HDLBP: variants seen among roughly 807,000 people sequenced by gnomAD.
The protein encoded by HDLBP is vigilin.
HDLBP carries 30 observed loss-of-function variants against 137.3 expected under a neutral mutation model. The ratio of observed to expected loss-of-function variants is 0.22; its 90% CI spans 0.16 to 0.30. HDLBP has a LOEUF of 0.30. HDLBP is among the 10% of genes least tolerant of loss of function. The pLI is 1.00. For synonymous variants in HDLBP, 606 were observed against 596.0 expected (o/e 1.02, Z -0.24); for missense variants, 1,119 against 1,667.3 (o/e 0.67, Z 5.73).
At chr2:241,248,524 C>A (rs147162430) in intron 12 of HDLBP, among the ~76,000 whole-genome samples, 176 bp from the exon 13 acceptor site, 1 of 152,070 alleles carries the variant, frequency 6.6e-6, no homozygotes, top group African/African-American at 2.4e-5. Context: ...GTGTGCACAG[C>A]GCATAATGAG....
At chr2:241,306,089 A>G (rs1469213049) in intron 1 of HDLBP, among the ~76,000 whole-genome samples, 1 of 151,690 alleles carries the variant, frequency 6.6e-6, no homozygotes, top group Non-Finnish European at 1.5e-5. Flanking sequence ...GGATTTTTAT[A>G]TCATTCATGG....
At chr2:241,295,185 T>C (rs955245419) in intron 1 of HDLBP, among the ~76,000 whole-genome samples, 6 of 152,226 alleles carry the variant, frequency 3.9e-5, no homozygotes, top group African/African-American at 1.4e-4. Context: ...AAATTCAGCA[T>C]GTATTATTTA....
rs765392068 is a variant in HDLBP, at chr2:241,242,608, C to T, written c.2021G>A (p.Arg674His). ...LHNSLIGTKGRLIRSIMEECG... is the reference protein window; with the variant it reads ...LHNSLIGTKGHLIRSIMEECG... ...CTCCTCCATGATGGAGCGGATCAGACGGCCCTTGGTGCCAATGAGGGAGTT... is the reference window on the plus strand; with the variant it reads ...CTCCTCCATGATGGAGCGGATCAGATGGCCCTTGGTGCCAATGAGGGAGTT... Residue 674 changes from arginine to histidine, a missense_variant, in exon 17 of 28, where the codon CGT (arginine) becomes CAT (histidine). Transcript: ENST00000310931. 3.7e-6 allele frequency: 6 copies of T among 1,614,072 alleles called. No individual in the cohort carries two copies. The highest frequency in any genetic ancestry group is 2.2e-5 in the South Asian group (2 of 91,078).
chr2:241,251,487 G>A (rs116210015), intron 11 of HDLBP, among the ~76,000 whole-genome samples: 581 of 152,262 alleles, frequency 3.8e-3, no homozygotes, highest in Middle Eastern at 0.01. Context: ...ACGGATACAC[G>A]GACGTCAGTC....
Position 241,276,377 on chromosome 2 carries a change from T to C in HDLBP, c.-102-7836A>G, listed in dbSNP as rs547110457. Among the ~76,000 whole-genome samples the C allele has an allele frequency of 3.9e-5, 6 of 152,226 alleles. No homozygotes were observed. In the East Asian group the frequency reaches 1.2e-3, roughly 29 times the overall value. On this transcript the variant is annotated intron_variant, in intron 1 of 27. Transcript: ENST00000310931. ...CGATGTACATTATTACTGGTTACAT[T>C]ATACTGTATTAATAATTGTTAAAGA...
intron 5 of HDLBP, among the ~76,000 whole-genome samples, chr2:241,261,796 G>A (rs1419356227): frequency 6.6e-6 from 1 of 152,196 alleles, no homozygotes; most frequent in South Asian, 2.1e-4. Flanking sequence ...ACCTGCATTA[G>A]GTGGCACTCC....
chr2:241,254,051 G>A (rs1302699176), intron 9 of HDLBP, among the ~76,000 whole-genome samples: 1 of 152,146 alleles, frequency 6.6e-6, no homozygotes. Flanking sequence ...TTGGGAGGCT[G>A]AGGTAGGAGG....
chr2:241,232,340 A>G (rs2149329016), intron 24 of HDLBP, among the ~76,000 whole-genome samples: 1 of 150,642 alleles, frequency 6.6e-6, no homozygotes, highest in Non-Finnish European at 1.5e-5. Context: ...CAATGGCATG[A>G]TCTCAGCTCA....
chr2:241,257,342 C>T (rs1330241125), intron 5 of HDLBP, among the ~76,000 whole-genome samples: 3 of 152,194 alleles, frequency 2.0e-5, no homozygotes. Context: ...AAGGGATTCT[C>T]CTGCCTCAGC....
At chr2:241,311,264 A>G (rs1254425781) in intron 1 of HDLBP, among the ~76,000 whole-genome samples, 2 of 152,224 alleles carry the variant, frequency 1.3e-5, no homozygotes, top group African/African-American at 4.8e-5. Flanking sequence ...ACAACACTGG[A>G]AACTTAGAGA....
intron 5 of HDLBP, among the ~76,000 whole-genome samples, chr2:241,260,476 C>G (rs75942701): frequency 3.3e-5 from 5 of 151,360 alleles, no homozygotes; most frequent in African/African-American, 1.2e-4. Context: ...GTCGCCGGAG[C>G]GCCAAAGAAT....
At chr2:241,262,989 G>A in intron 4 of HDLBP, 63 bp from the exon 5 acceptor site, 1 of 1,259,790 alleles carries the variant, frequency 7.9e-7, no homozygotes, top group Non-Finnish European at 1.2e-6. Flanking sequence ...CAGATAGGGA[G>A]TAAAGAACAT....
rs776496339 is a variant in HDLBP at position 241,236,763 on chromosome 2, C to G, written c.2756G>C (p.Ser919Thr). 1 of 1,614,064 alleles carries G rather than the reference C, an allele frequency of 6.2e-7. No homozygotes were observed. The highest frequency in any genetic ancestry group is 8.5e-7 in the Non-Finnish European group (1 of 1,179,938). Reference sequence around the variant, plus strand: ...ATTCTCCTGGACAACTGGCTCTGTACTGTGAACTAGAGAGAAAGGGGAAAA... The same window carrying G: ...ATTCTCCTGGACAACTGGCTCTGTAGTGTGAACTAGAGAGAAAGGGGAAAA... ...FPDREENAVH[S>T]TEPVVQENGD... The change falls in exon 21 of 28, where the codon AGT (serine) becomes ACT (threonine). Residue 919 changes from serine to threonine, a missense_variant. Transcript: ENST00000310931.
chr2:241,235,542 T>A lies in HDLBP; in HGVS notation c.2957A>T (p.Tyr986Phe), dbSNP rs775385733. Residue 986 changes from tyrosine (Y) to phenylalanine (F), a missense_variant, in exon 22 of 28, where the codon TAC (tyrosine) becomes TTC (phenylalanine). Physicochemically the swap from Tyr to Phe is conservative, Grantham distance 22 (BLOSUM62 3). Transcript: ENST00000310931. Reference protein sequence around the residue: ...EVEVPFDLHRYVIGQKGSGIR... With the variant: ...EVEVPFDLHRFVIGQKGSGIR... ...CCCACTTCCTTTCTGCCCAATAACGTAACGGTGAAGGTCAAAGGGCACCTC... is the reference window on the plus strand; with the variant it reads ...CCCACTTCCTTTCTGCCCAATAACGAAACGGTGAAGGTCAAAGGGCACCTC... 1 of 1,613,912 alleles carries A rather than the reference T, an allele frequency of 6.2e-7. No homozygotes were observed. The highest frequency in any genetic ancestry group is 8.5e-7 in the Non-Finnish European group (1 of 1,179,992).
chr2:241,300,115 C>T (rs1460304284), intron 1 of HDLBP, among the ~76,000 whole-genome samples: 1 of 151,914 alleles, frequency 6.6e-6, no homozygotes, highest in Non-Finnish European at 1.5e-5. Flanking sequence ...GATTTTTAAA[C>T]CACCAGAAAG....
intron 10 of HDLBP, 98 bp from the exon 11 acceptor site, chr2:241,253,133 C>T: frequency 6.1e-6 from 5 of 825,452 alleles, no homozygotes; most frequent in Non-Finnish European, 8.2e-6. Flanking sequence ...TTTCTGACCA[C>T]TCAGCTGTCA....
chr2:241,269,214 A>C (rs1229423690), intron 1 of HDLBP: 1 of 151,980 alleles, frequency 6.6e-6, no homozygotes, highest in Non-Finnish European at 1.5e-5. Flanking sequence ...GCCTTAGGGG[A>C]CTCTGGAGAT....
intron 1 of HDLBP, among the ~76,000 whole-genome samples, chr2:241,291,341 ACAGG>A (rs1385391918): frequency 5.3e-5 from 8 of 152,174 alleles, no homozygotes; most frequent in Non-Finnish European, 5.9e-5. Flanking sequence ...CCCTCCTGTG[ACAGG>A]CAGGCAGGGA....
chr2:241,273,812 T>C (rs965196950), intron 1 of HDLBP: 4 of 218,824 alleles, frequency 1.8e-5, no homozygotes, highest in Middle Eastern at 2.2e-3. Context: ...TGGTGGGAGC[T>C]GGGTGGGGGC....
Sources: gnomAD v4.1 joint callset for allele counts (sites outside exome capture counted in the v4.1 genomes callset) on GRCh38, gnomAD v4.1.1 for gene constraint, MANE v1.5 for transcripts, NCBI Gene and HGNC (gene_info 2026-07-23, HGNC 2026-07-21) for gene names.